The following EFCAB10 variants were observed in gnomAD, a reference collection of about 807,000 sequenced individuals.
The protein encoded by EFCAB10 is EF-hand calcium-binding domain-containing protein 10.
EFCAB10 carries 7 observed loss-of-function variants against 7.7 expected under a neutral mutation model. That is an observed-to-expected ratio of 0.91 (90% CI 0.52 to 1.72). The LOEUF (loss-of-function observed/expected upper bound fraction) is 1.72. Ranked by LOEUF, EFCAB10 falls within the 40% of genes most tolerant of loss-of-function variation. EFCAB10 has a pLI of 0.00. For missense variants in EFCAB10, 112 were observed against 61.5 expected (o/e 1.82, Z -2.74); for synonymous variants, 52 against 21.0 (o/e 2.47, Z -4.03).
intron 1 of EFCAB10, chr7:105,573,107 C>T (rs1791991015): frequency 6.6e-6 from 1 of 151,700 alleles, no homozygotes; most frequent in Non-Finnish European, 1.5e-5. Context: ...TAGGTTGTCT[C>T]TTCACTCAGT....
intron 1 of EFCAB10, among the ~76,000 whole-genome samples, chr7:105,578,218 G>A (rs1792135592): frequency 6.6e-6 from 1 of 152,146 alleles, no homozygotes; most frequent in African/African-American, 2.4e-5. Flanking sequence ...CCCCGGTTTG[G>A]ATGATAACTC....
rs895052984 is a variant in EFCAB10 at position 105,567,190 on chromosome 7, C to T, written c.383+277G>A. On this transcript the variant is annotated intron_variant, in intron 4 of 4. Coordinates refer to ENST00000480514, the MANE Select transcript of EFCAB10 (RefSeq NM_001355526.2). The stretch of plus-strand genomic sequence containing the variant: ...CTACTGCTGAAAGATGTACTGCAGT[C>T]AGCTTCAGGGCAGCTTCCTGCCACA... The T allele has an allele frequency of 6.2e-7, 1 of 1,611,374 alleles. No homozygotes were observed. Among genetic ancestry groups the T allele is most frequent in the African/African-American group, 1.3e-5 (1 of 74,896 alleles).
intron 1 of EFCAB10, among the ~76,000 whole-genome samples, chr7:105,570,268 T>TATATATATATATATATATAC (rs1188257284): frequency 1.7e-4 from 11 of 66,450 alleles, no homozygotes; most frequent in Non-Finnish European, 1.6e-4. Context: ...TATATATATA[T>TATATATATATATATATATAC]ACACACACAC....
intron 1 of EFCAB10, among the ~76,000 whole-genome samples, chr7:105,579,304 A>G (rs1256980890): frequency 6.6e-6 from 1 of 152,032 alleles, no homozygotes; most frequent in East Asian, 1.9e-4. Flanking sequence ...GTGAATAACC[A>G]CTGTGTAGCT....
chr7:105,565,246 A>G lies in EFCAB10; in HGVS notation c.*201T>C, dbSNP rs147460279. The G allele has an allele frequency of 2.6e-5, 41 of 1,562,828 alleles. No individual in the cohort carries two copies. In the Middle Eastern group the frequency reaches 5.1e-4, roughly 20 times the overall value. ...AAACTTGAAAAATAGAAACTGATGAAAATTTTTTGGTAAAAATGTGTTTTT... is the reference window on the plus strand; with the variant it reads ...AAACTTGAAAAATAGAAACTGATGAGAATTTTTTGGTAAAAATGTGTTTTT... On this transcript the variant is annotated 3_prime_UTR_variant, in exon 5 of 5. Coordinates refer to ENST00000480514, the MANE Select transcript of EFCAB10 (RefSeq NM_001355526.2).
Position 105,565,683 on chromosome 7 carries a change from T to G in EFCAB10, c.*-236A>C, listed in dbSNP as rs192991150. 2.4e-4 allele frequency: 331 copies of G among 1,381,518 alleles called. 1 individual carries two copies. The highest frequency in any genetic ancestry group is 9.8e-5 in the Non-Finnish European group (96 of 977,736). The allele number at this position is 1,381,518 out of a possible 1,614,324, so 85.6% of individuals were successfully genotyped here. On this transcript the variant is annotated intron_variant, in intron 4 of 4. Coordinates refer to ENST00000480514, the MANE Select transcript of EFCAB10 (RefSeq NM_001355526.2). ...ACATTTAACAATTAATATTAATGTA[T>G]CAAATTGTTACAGGAGGCTAACTCC...
At chr7:105,575,242 A>C (rs1483881025) in intron 1 of EFCAB10, among the ~76,000 whole-genome samples, 1 of 152,134 alleles carries the variant, frequency 6.6e-6, no homozygotes, top group Non-Finnish European at 1.5e-5. Context: ...AATGTGTGGG[A>C]ATTCAAGATG....
intron 1 of EFCAB10, among the ~76,000 whole-genome samples, chr7:105,574,499 T>C (rs1371907387): frequency 6.6e-6 from 1 of 151,402 alleles, no homozygotes; most frequent in Admixed American, 6.6e-5. Flanking sequence ...CTCCTTTTTT[T>C]TTTGAGACGG....
chr7:105,565,606 T>A, intron 4 of EFCAB10, 159 bp from the exon 5 acceptor site: 1 of 1,613,818 alleles, frequency 6.2e-7, no homozygotes, highest in Non-Finnish European at 8.5e-7. Flanking sequence ...CTTTTCCCTT[T>A]GTTTTCTCAC....
intron 1 of EFCAB10, among the ~76,000 whole-genome samples, chr7:105,577,572 T>C (rs974920731): frequency 1.2e-5 from 1 of 83,076 alleles, no homozygotes; most frequent in African/African-American, 4.8e-5. Flanking sequence ...TGGAGGCCTC[T>C]GTGTGTATTA....
intron 1 of EFCAB10, among the ~76,000 whole-genome samples, chr7:105,574,250 T>C (rs1472422972): frequency 3.4e-5 from 5 of 147,980 alleles, no homozygotes; most frequent in Non-Finnish European, 5.9e-5. Flanking sequence ...ATACAGTATA[T>C]ATATATATAT....
intron 2 of EFCAB10, 46 bp downstream of exon 2, chr7:105,569,361 G>A (rs1287453517): frequency 4.3e-6 from 3 of 694,956 alleles, no homozygotes; most frequent in Non-Finnish European, 7.8e-6. Context: ...AGAAAAAACT[G>A]TGGAATGACC....
chr7:105,568,729 A>G (rs1000496011), intron 3 of EFCAB10, among the ~76,000 whole-genome samples: 2 of 152,114 alleles, frequency 1.3e-5, no homozygotes, highest in Non-Finnish European at 2.9e-5. Context: ...GCAGTGGATC[A>G]CTTGAGATCA....
At chr7:105,576,590 C>T (rs919793028) in intron 1 of EFCAB10, among the ~76,000 whole-genome samples, 3 of 152,152 alleles carry the variant, frequency 2.0e-5, no homozygotes, top group African/African-American at 7.2e-5. Context: ...CTACAGGTGC[C>T]TCCCACCATG....
Position 105,570,332 on chromosome 7 carries a change from A to C in EFCAB10, c.107-761T>G, listed in dbSNP as rs1332624996. ...ATATATATAAATATAATAAAAACAAAGACTGATAAATATGGTCCTCCAGGA... is the reference window on the plus strand; with the variant it reads ...ATATATATAAATATAATAAAAACAACGACTGATAAATATGGTCCTCCAGGA... On this transcript the variant is annotated intron_variant, in intron 1 of 4. Transcript: ENST00000480514. Among the ~76,000 whole-genome samples, 4 of 147,246 alleles carry C rather than the reference A, an allele frequency of 2.7e-5. No individual in the cohort carries two copies. The Admixed American group carries it at 2.8e-4, about 10-fold the overall frequency.
In EFCAB10 at chr7:105,581,476, C is replaced by T. The variant is rs116753032; in HGVS notation, c.-13G>A. 2.7e-3 allele frequency: 1,876 copies of T among 702,922 alleles called. 24 individuals carry two copies. In the African/African-American group the frequency reaches 0.03, roughly 11 times the overall value. The allele number at this position is 702,922 out of a possible 1,614,324, so 43.5% of individuals were successfully genotyped here. On this transcript the variant is annotated 5_prime_UTR_variant, in exon 1 of 5. Coordinates refer to ENST00000480514, the MANE Select transcript of EFCAB10 (RefSeq NM_001355526.2). ...TGCTGGTCTCCATCGCTCCGCGTCC[C>T]GCTGTTGCTAGGCGACTGCCTGGCG...
At chr7:105,567,387 G>T in intron 4 of EFCAB10, 80 bp downstream of exon 4, 1 of 1,001,604 alleles carries the variant, frequency 1.0e-6, no homozygotes. Context: ...GTTATATGAT[G>T]AAATTCTGAA....
rs183562028 is a variant in EFCAB10, at chr7:105,567,787, T to C, written c.360-297A>G. 3.9e-4 allele frequency: 113 copies of C among 291,162 alleles called. 1 individual carries two copies. The highest frequency in any genetic ancestry group is 3.7e-3 in the Admixed American group (76 of 20,588). The allele number at this position is 291,162 out of a possible 1,614,324, so 18.0% of individuals were successfully genotyped here. ...TGTCTCATGCCTGTAATCCCAGCAC[T>C]TTGGGAGGCTGAGGTAGGAGGATTG... On this transcript the variant is annotated intron_variant, in intron 3 of 4. Coordinates refer to ENST00000480514, the MANE Select transcript of EFCAB10 (RefSeq NM_001355526.2).
chr7:105,578,234 G>A (rs1427389705), intron 1 of EFCAB10, among the ~76,000 whole-genome samples: 1 of 152,150 alleles, frequency 6.6e-6, no homozygotes, highest in Non-Finnish European at 1.5e-5. Flanking sequence ...AACTCATACA[G>A]TCATCTTACC....
Sources: gnomAD v4.1 joint callset for allele counts (sites outside exome capture counted in the v4.1 genomes callset) on GRCh38, gnomAD v4.1.1 for gene constraint, MANE v1.5 for transcripts, NCBI Gene and HGNC (gene_info 2026-07-23, HGNC 2026-07-21) for gene names.